The following FGGY variants were observed in gnomAD, a reference collection of about 807,000 sequenced individuals.
FGGY encodes FGGY carbohydrate kinase domain containing.
A neutral mutation model predicts 71.3 loss-of-function variants in FGGY; 72 were observed. The observed-to-expected ratio is 1.01, with a 90% CI of 0.84 to 1.23. The LOEUF (loss-of-function observed/expected upper bound fraction) is 1.23. FGGY is among the 50% of genes most tolerant of loss of function. FGGY has a pLI of 0.00. For synonymous variants in FGGY, 251 were observed against 250.3 expected, an observed-to-expected ratio of 1.00 and a Z score of -0.02; for missense variants, 668 against 682.3, an observed-to-expected ratio of 0.98 and a Z score of 0.23.
chr1:59,435,775 TG>T (rs2068322151), intron 5 of FGGY, among the ~76,000 whole-genome samples: 1 of 151,686 alleles, frequency 6.6e-6, no homozygotes, highest in African/African-American at 2.4e-5. Flanking sequence ...TGTGTGTGTG[TG>T]TGTGTGTGTG....
chr1:59,355,401 A>G (rs184787835), intron 4 of FGGY, among the ~76,000 whole-genome samples: 71 of 152,354 alleles, frequency 4.7e-4, no homozygotes, highest in Non-Finnish European at 8.2e-4. Flanking sequence ...ACAAGAAAAC[A>G]TTAATACTGG....
intron 8 of FGGY, among the ~76,000 whole-genome samples, chr1:59,588,790 C>T (rs1558457166): frequency 1.3e-5 from 2 of 152,234 alleles, no homozygotes; most frequent in African/African-American, 2.4e-5. Context: ...CTGAAGGAAG[C>T]ACTAAACATG....
chr1:59,482,570 ATGTGTGTGTG>A (rs5774470), intron 6 of FGGY, among the ~76,000 whole-genome samples: 3 of 147,956 alleles, frequency 2.0e-5, no homozygotes, highest in African/African-American at 5.0e-5. Flanking sequence ...GTGTATATAT[ATGTGTGTGTG>A]TGTGTGTGTG....
chr1:59,462,532 TG>T (rs1486882139), intron 6 of FGGY, among the ~76,000 whole-genome samples: 1 of 152,140 alleles, frequency 6.6e-6, no homozygotes, highest in Non-Finnish European at 1.5e-5. Context: ...ACCCACAAAA[TG>T]GCAGAAAATT....
At chr1:59,303,682 T>C (rs2043080766) in intron 1 of FGGY, among the ~76,000 whole-genome samples, 1 of 152,176 alleles carries the variant, frequency 6.6e-6, no homozygotes, top group Non-Finnish European at 1.5e-5. Context: ...TCTGTACTGT[T>C]TGCCATAATG....
At chr1:59,522,269 A>G (rs1026365646) in intron 7 of FGGY, among the ~76,000 whole-genome samples, 32 of 152,362 alleles carry the variant, frequency 2.1e-4, no homozygotes, top group African/African-American at 7.7e-4. Flanking sequence ...TGACCTGGCT[A>G]GTGAATCTAT....
chr1:59,709,279 A>G (rs11207509), intron 14 of FGGY, among the ~76,000 whole-genome samples: 123,052 of 152,180 alleles, frequency 0.81, 50,080 homozygotes, highest in Non-Finnish European at 0.86. Context: ...CAGCAGGAAA[A>G]AGAGTGAGTG....
At chr1:59,546,359 A>G (rs1158344609) in intron 7 of FGGY, among the ~76,000 whole-genome samples, 1 of 118,948 alleles carries the variant, frequency 8.4e-6, no homozygotes, top group Non-Finnish European at 1.6e-5. Context: ...TATCTAGTAA[A>G]TGTCTGTTTA....
chr1:59,554,520 G>A (rs1049963343), intron 8 of FGGY, among the ~76,000 whole-genome samples: 4 of 152,132 alleles, frequency 2.6e-5, no homozygotes, highest in Non-Finnish European at 4.4e-5. Context: ...ATCCTAAGGT[G>A]ACAAAGTCTA....
intron 5 of FGGY, among the ~76,000 whole-genome samples, chr1:59,454,094 A>G (rs1183940018): frequency 6.6e-6 from 1 of 152,170 alleles, no homozygotes; most frequent in Non-Finnish European, 1.5e-5. Context: ...GAACTGGACC[A>G]TAAGGACAAC....
chr1:59,609,977 T>G (rs973399076), intron 9 of FGGY, among the ~76,000 whole-genome samples: 1 of 152,216 alleles, frequency 6.6e-6, no homozygotes, highest in Admixed American at 6.5e-5. Context: ...GCTAGAAAAG[T>G]TGAGAAGGAA....
intron 5 of FGGY, among the ~76,000 whole-genome samples, chr1:59,398,877 A>G (rs2061618751): frequency 6.6e-6 from 1 of 152,180 alleles, no homozygotes; most frequent in South Asian, 2.1e-4. Flanking sequence ...AGAACTCAAA[A>G]CAGTGTCCTT....
intron 14 of FGGY, among the ~76,000 whole-genome samples, chr1:59,734,787 C>T (rs557409257): frequency 5.9e-5 from 9 of 152,282 alleles, no homozygotes; most frequent in East Asian, 1.9e-4. Flanking sequence ...AGGAAGGCCT[C>T]GGGAGCTGGT....
chr1:59,408,065 C>G (rs1308778491), intron 5 of FGGY, among the ~76,000 whole-genome samples: 1 of 152,174 alleles, frequency 6.6e-6, no homozygotes, highest in Admixed American at 6.5e-5. Flanking sequence ...TGCCTTGACT[C>G]TCAGCATTTC....
At chr1:59,651,597 T>G (rs1414528887) in intron 11 of FGGY, among the ~76,000 whole-genome samples, 2 of 149,922 alleles carry the variant, frequency 1.3e-5, no homozygotes, top group Non-Finnish European at 1.5e-5. Flanking sequence ...TTGTTTTCCA[T>G]TTGCTTGGTA....
At chr1:59,491,837 A>G (rs2093874668) in intron 6 of FGGY, among the ~76,000 whole-genome samples, 2 of 152,148 alleles carry the variant, frequency 1.3e-5, no homozygotes, top group African/African-American at 4.8e-5. Flanking sequence ...TTGCTGATCC[A>G]TTCTTTCATA....
chr1:59,708,626 TA>T (rs1348548843), intron 14 of FGGY, among the ~76,000 whole-genome samples: 2 of 152,242 alleles, frequency 1.3e-5, no homozygotes. Context: ...GGGTAGATAT[TA>T]TTATCTTCAT....
rs150251703 is a variant in FGGY, at chr1:59,307,366, A to G, written c.-15+10216A>G. ...GAGTGATTTAGACAGATCAAACTCA[A>G]TCTAGTTAACCAAATATTGGGATTG... On this transcript the variant is annotated intron_variant, in intron 1 of 15. Coordinates refer to ENST00000303721, the MANE Select transcript of FGGY (RefSeq NM_018291.5). Among the ~76,000 whole-genome samples the G allele has an allele frequency of 2.9e-3, 434 of 152,052 alleles. 6 individuals carry two copies. The highest frequency in any genetic ancestry group is 0.01 in the African/African-American group (420 of 41,480).
chr1:59,761,737 A>C (rs1396354838), intron 15 of FGGY, among the ~76,000 whole-genome samples: 1 of 152,252 alleles, frequency 6.6e-6, no homozygotes, highest in African/African-American at 2.4e-5. Flanking sequence ...AGGCGAGCAC[A>C]GCTCTAGAAA....
Sources: gnomAD v4.1 joint callset for allele counts (sites outside exome capture counted in the v4.1 genomes callset) on GRCh38, gnomAD v4.1.1 for gene constraint, MANE v1.5 for transcripts, NCBI Gene and HGNC (gene_info 2026-07-23, HGNC 2026-07-21) for gene names.